The following POU2F2 variants were observed in gnomAD, a reference collection of about 807,000 sequenced individuals.
The protein encoded by POU2F2 is POU domain, class 2, transcription factor 2.
POU2F2 carries 14 observed loss-of-function variants against 63.5 expected under a neutral mutation model. That is an observed-to-expected ratio of 0.22 (90% CI 0.15 to 0.34). The LOEUF (loss-of-function observed/expected upper bound fraction) is 0.34. POU2F2 is among the 10% of genes least tolerant of loss of function. The pLI, the probability that POU2F2 is intolerant of heterozygous loss-of-function variation, is 1.00. For missense variants in POU2F2, 607 were observed against 815.2 expected (o/e 0.74, Z 3.11); for synonymous variants, 306 against 348.6 (o/e 0.88, Z 1.36).
intron 2 of POU2F2, among the ~76,000 whole-genome samples, chr19:42,158,785 C>A (rs1357556727): frequency 2.0e-5 from 3 of 152,144 alleles, no homozygotes; most frequent in African/African-American, 7.2e-5. Context: ...ATAATTAAAC[C>A]CCTCTGTTAC....
At chr19:42,170,800 G>C (rs1413894808) in intron 1 of POU2F2, among the ~76,000 whole-genome samples, 1 of 152,262 alleles carries the variant, frequency 6.6e-6, no homozygotes, top group Non-Finnish European at 1.5e-5. Context: ...TGCTGCAACA[G>C]AGCCGGATCT....
intron 1 of POU2F2, among the ~76,000 whole-genome samples, chr19:42,181,770 TAG>T (rs1212549613): frequency 6.6e-6 from 1 of 152,156 alleles, no homozygotes; most frequent in East Asian, 1.9e-4. Context: ...TATTTTTTAG[TAG>T]AGACGGGGTT....
Position 42,118,693 on chromosome 19 carries a change from G to A in POU2F2, c.187-1261C>T, listed in dbSNP as rs74558960. Among the ~76,000 whole-genome samples the A allele has an allele frequency of 9.6e-3, 1,469 of 152,384 alleles. 51 individuals are homozygous for A. The East Asian group carries it at 0.12, about 12-fold the overall frequency. On this transcript the variant is annotated intron_variant, in intron 4 of 14. Coordinates refer to ENST00000692977, the MANE Select transcript of POU2F2 (RefSeq NM_001394376.1). Reference sequence around the variant, plus strand: ...CTAGGTAAAAAGCCAGACAACAGCAGTTGTTGGCTGAAAGGCCTGTTGGCT... The same window carrying A: ...CTAGGTAAAAAGCCAGACAACAGCAATTGTTGGCTGAAAGGCCTGTTGGCT...
upstream of POU2F2, among the ~76,000 whole-genome samples, chr19:42,180,269 T>G (rs773397798): frequency 6.6e-5 from 10 of 152,070 alleles, no homozygotes; most frequent in Non-Finnish European, 1.2e-4. Context: ...GAGACACCCA[T>G]GAGCAGGTTC....
chr19:42,149,459 G>A (rs1465756490), intron 2 of POU2F2, among the ~76,000 whole-genome samples: 2 of 152,124 alleles, frequency 1.3e-5, no homozygotes, highest in Admixed American at 6.5e-5. Flanking sequence ...CGCAGGCAGG[G>A]TAGAAAAAGA....
upstream of POU2F2, among the ~76,000 whole-genome samples, chr19:42,136,443 T>G (rs1381714449): frequency 6.6e-6 from 1 of 152,152 alleles, no homozygotes; most frequent in Non-Finnish European, 1.5e-5. Flanking sequence ...CGCCTCAGCC[T>G]CCCAAAGTGC....
At chr19:42,132,568 G>A (rs949590090), upstream of POU2F2, 19 of 583,018 alleles carry the variant, frequency 3.3e-5, no homozygotes, top group African/African-American at 5.9e-5. Context: ...GACCCGCCCC[G>A]GCAGCCCGGC....
rs1008524490 is a variant in POU2F2 at position 42,105,489 on chromosome 19, G to A, written c.370-5668C>T. Among the ~76,000 whole-genome samples, 36 of 152,060 alleles carry A rather than the reference G, an allele frequency of 2.4e-4. 1 individual carries two copies. The highest frequency in any genetic ancestry group is 1.3e-4 in the Admixed American group (2 of 15,272). ...CCTTAGCTTGTTGATTAAAGTATTT[G>A]TTAACTCCTGTTCCTCCCTAGCATG... is the stretch of plus-strand genomic sequence containing the variant. On this transcript the variant is annotated intron_variant, in intron 5 of 14. Transcript: ENST00000692977.
At chr19:42,115,553 ATGAAAACCAGACAGACAACATGAATGGG>A (rs1450688138) in intron 5 of POU2F2, among the ~76,000 whole-genome samples, 3 of 152,222 alleles carry the variant, frequency 2.0e-5, no homozygotes, top group East Asian at 1.9e-4. Flanking sequence ...TCTAAGGCTT[ATGAAAACCAGACAGACAACATGAATGGG>A]TGAAAACCAG....
chr19:42,121,083 CA>C (rs1246671350), intron 4 of POU2F2, among the ~76,000 whole-genome samples: 1 of 152,084 alleles, frequency 6.6e-6, no homozygotes, highest in Non-Finnish European at 1.5e-5. Context: ...CTGGCATCCC[CA>C]AAAGAAGGAA....
chr19:42,106,827 G>GAGGAGGAGGAGC (rs2030141076), intron 5 of POU2F2, among the ~76,000 whole-genome samples: 2 of 151,104 alleles, frequency 1.3e-5, no homozygotes, highest in East Asian at 3.9e-4. Flanking sequence ...GGAGAAGGAG[G>GAGGAGGAGGAGC]AGGAGGAGGA....
At chr19:42,194,547 T>A (rs1041210833) in intron 1 of POU2F2, among the ~76,000 whole-genome samples, 2 of 148,734 alleles carry the variant, frequency 1.3e-5, no homozygotes, top group African/African-American at 5.0e-5. Flanking sequence ...TCACCTGAGA[T>A]CAGGAGTTCG....
chr19:42,149,915 C>T (rs556083829), intron 2 of POU2F2, among the ~76,000 whole-genome samples: 1 of 152,178 alleles, frequency 6.6e-6, no homozygotes, highest in South Asian at 2.1e-4. Flanking sequence ...TTTCCTGCAC[C>T]CAGCTGCCTC....
In POU2F2 at chr19:42,122,773, A is replaced by C. The variant is rs140855872; in HGVS notation, c.29-197T>G. Among the ~76,000 whole-genome samples, 1,062 of 152,064 alleles carry C rather than the reference A, an allele frequency of 7.0e-3. 3 individuals are homozygous for C. The highest frequency in any genetic ancestry group is 0.01 in the Middle Eastern group (3 of 294). The stretch of plus-strand genomic sequence containing the variant: ...CTCCTCTGGCAAGATGAGACACAGC[A>C]CTTAGGCCTTGGGGGATCTTGCCTT... On this transcript the variant is annotated intron_variant, in intron 1 of 14. Transcript: ENST00000692977.
At chr19:42,100,346 C>G (rs1043378638) in intron 5 of POU2F2, among the ~76,000 whole-genome samples, 1 of 151,888 alleles carries the variant, frequency 6.6e-6, no homozygotes, top group Non-Finnish European at 1.5e-5. Flanking sequence ...GCCTTGGCCT[C>G]CCAAAGTGCT....
At chr19:42,113,723 A>G (rs1040752171) in intron 5 of POU2F2, among the ~76,000 whole-genome samples, 3 of 152,204 alleles carry the variant, frequency 2.0e-5, no homozygotes, top group Non-Finnish European at 4.4e-5. Flanking sequence ...GCTTCCTGCC[A>G]TGGCCTGACA....
chr19:42,134,942 G>A (rs571983881), upstream of POU2F2, among the ~76,000 whole-genome samples: 1 of 151,954 alleles, frequency 6.6e-6, no homozygotes, highest in South Asian at 2.1e-4. Context: ...GGGAGTGGTG[G>A]GGGGGAGCAG....
chr19:42,138,835 C>G (rs767319856), intron 2 of POU2F2, among the ~76,000 whole-genome samples: 4 of 152,110 alleles, frequency 2.6e-5, no homozygotes, highest in Non-Finnish European at 5.9e-5. Context: ...GGGGGAAAGT[C>G]AGGAAGCAGC....
chr19:42,166,617 A>G (rs1264773647), intron 1 of POU2F2, among the ~76,000 whole-genome samples: 1 of 152,102 alleles, frequency 6.6e-6, no homozygotes, highest in African/African-American at 2.4e-5. Context: ...AAGGAGGGGA[A>G]GGGCAGCAGT....
Sources: allele counts gnomAD v4.1 joint callset (sites outside exome capture counted in the v4.1 genomes callset), GRCh38; gene constraint gnomAD v4.1.1; transcripts MANE v1.5; gene names NCBI Gene and HGNC (gene_info 2026-07-23, HGNC 2026-07-21).